Variants in PCDHGB2 observed in about 807,000 individuals in gnomAD.
The protein encoded by PCDHGB2 is protocadherin gamma subfamily B, 2.
A neutral mutation model predicts 59.3 loss-of-function variants in PCDHGB2; 55 were observed. That is an observed-to-expected ratio of 0.93 (90% CI 0.75 to 1.16). The LOEUF (loss-of-function observed/expected upper bound fraction) is 1.16, where lower values mean the gene tolerates loss of function less well. Ranked by LOEUF, PCDHGB2 falls within the 50% of genes most tolerant of loss-of-function variation. The pLI, the probability that PCDHGB2 is intolerant of heterozygous loss-of-function variation, is 0.00. For synonymous variants in PCDHGB2, 516 were observed against 512.0 expected (o/e 1.01, Z -0.11); for missense variants, 1,228 against 1,198.5 (o/e 1.02, Z -0.36).
chr5:141,365,964 A>G, intron 1 of PCDHGB2: 1 of 1,614,252 alleles, frequency 6.2e-7, no homozygotes, highest in Non-Finnish European at 8.5e-7. Context: ...CTTAGCAGCA[A>G]CGTGTCGCTG....
chr5:141,423,561 C>G (rs959698297), intron 1 of PCDHGB2: 7 of 1,613,628 alleles, frequency 4.3e-6, no homozygotes, highest in Non-Finnish European at 5.9e-6. Flanking sequence ...ACTATGGGGA[C>G]ACGCTCATCA....
At position 141,432,069 on chromosome 5, in the gene PCDHGB2, A is replaced by G. The variant is rs572724741; in HGVS notation, c.2422-62738A>G. On this transcript the variant is annotated intron_variant, in intron 1 of 3. Transcript: ENST00000522605. The surrounding 1 kb of genome is among the most constrained non-coding windows in gnomAD (Gnocchi z 6.0). ...ACCCCGCCCCTATCCACGGAAACTC[A>G]TATCTCGCTGAACGTGGCAGACACC... 646 of 1,614,168 alleles carry G rather than the reference A, an allele frequency of 4.0e-4. 5 individuals are homozygous for G. In the South Asian group the frequency reaches 6.9e-3, roughly 17 times the overall value.
intron 1 of PCDHGB2, chr5:141,393,441 C>G: frequency 6.2e-7 from 1 of 1,614,070 alleles, no homozygotes; most frequent in African/African-American, 1.3e-5. Flanking sequence ...TGCTCACCAC[C>G]TGGTCCTCAC....
At chr5:141,418,013 A>G (rs769578436) in intron 1 of PCDHGB2, 45 of 1,613,788 alleles carry the variant, frequency 2.8e-5, no homozygotes, top group African/African-American at 4.0e-5. Flanking sequence ...GAACCTCGCT[A>G]AGGATCTAGG....
intron 1 of PCDHGB2, chr5:141,398,884 G>C: frequency 6.2e-7 from 1 of 1,613,952 alleles, no homozygotes; most frequent in Non-Finnish European, 8.5e-7. Flanking sequence ...CAGCCTTCGG[G>C]AAAACGTGCC....
rs754835805 is a variant in PCDHGB2 at position 141,415,008 on chromosome 5, T to C, written c.2421+52452T>C. ...GCCAGAACGCCTGGCTGTCCTACCGTCTGCTCAAGGCCAGCGAGCCGGGAC... is the reference window on the plus strand; with the variant it reads ...GCCAGAACGCCTGGCTGTCCTACCGCCTGCTCAAGGCCAGCGAGCCGGGAC... On this transcript the variant is annotated intron_variant, in intron 1 of 3. Transcript: ENST00000522605. 3.1e-6 allele frequency: 5 copies of C among 1,613,636 alleles called. No individual in the cohort carries two copies. The South Asian group carries it at 3.3e-5, about 11-fold the overall frequency.
At chr5:141,471,046 C>CTTT (rs1170588345) in intron 1 of PCDHGB2, among the ~76,000 whole-genome samples, 3 of 113,252 alleles carry the variant, frequency 2.6e-5, no homozygotes, top group Non-Finnish European at 5.4e-5. Context: ...CCCAAGCCCT[C>CTTT]TTTTTTTTTT....
Position 141,361,195 on chromosome 5 carries a change from A to G in PCDHGB2, c.1060A>G (p.Thr354Ala), listed in dbSNP as rs369211493. The change falls in exon 1 of 4, where the codon ACT (threonine) becomes GCT (alanine). Residue 354 changes from threonine (T) to alanine (A), a missense_variant. By Grantham distance (58) the Thr-to-Ala change is moderately conservative (BLOSUM62 0). Around this residue, in one of 3 missense-constraint regions of PCDHGB2, gnomAD observed 781 missense variants for 721.6 expected, o/e 1.08. Transcript: ENST00000522605. ...TGAAGTTATTGTGACTTCAGTATCT[A>G]CTCCCCTACCGGAGGATTCGCCACC... ...APEVIVTSVS[T>A]PLPEDSPPGT... 6.2e-7 allele frequency: 1 copy of G among 1,613,692 alleles called. No homozygotes were observed. Among genetic ancestry groups the G allele is most frequent in the Non-Finnish European group, 8.5e-7 (1 of 1,179,838 alleles).
intron 1 of PCDHGB2, among the ~76,000 whole-genome samples, chr5:141,386,837 A>G (rs551845645): frequency 1.3e-5 from 2 of 152,378 alleles, no homozygotes; most frequent in Middle Eastern, 6.8e-3. Context: ...ATGGAGAGAC[A>G]TAATCACTAA....
At chr5:141,413,468 A>C in intron 1 of PCDHGB2, 1 of 1,614,072 alleles carries the variant, frequency 6.2e-7, no homozygotes, top group South Asian at 1.1e-5. Context: ...GACCGGGAGG[A>C]GCTCTGCGCT....
intron 1 of PCDHGB2, among the ~76,000 whole-genome samples, chr5:141,402,165 T>A (rs1200714000): frequency 6.6e-6 from 1 of 152,164 alleles, no homozygotes; most frequent in Non-Finnish European, 1.5e-5. Context: ...GGCGAGAACA[T>A]CTGTAACTAT....
chr5:141,478,293 T>C (rs2099444312), intron 1 of PCDHGB2: 2 of 1,614,026 alleles, frequency 1.2e-6, no homozygotes. Context: ...TCTAGAGACC[T>C]ATACCGAGCC....
At chr5:141,377,829 C>T (rs970459356) in intron 1 of PCDHGB2, 2 of 152,110 alleles carry the variant, frequency 1.3e-5, no homozygotes, top group South Asian at 2.1e-4. Context: ...CAGTTACAAT[C>T]GCCATTATCT....
chr5:141,389,379 C>G, intron 1 of PCDHGB2: 1 of 1,613,770 alleles, frequency 6.2e-7, no homozygotes, highest in Non-Finnish European at 8.5e-7. Context: ...GCAGCGGGAG[C>G]TGTCATCCTA....
intron 3 of PCDHGB2, among the ~76,000 whole-genome samples, chr5:141,507,805 G>C (rs2099863746): frequency 6.6e-6 from 1 of 152,204 alleles, no homozygotes; most frequent in Non-Finnish European, 1.5e-5. Flanking sequence ...TGCGCCCTGG[G>C]GAACGGACCC....
At chr5:141,414,225 G>A in intron 1 of PCDHGB2, 1 of 1,613,398 alleles carries the variant, frequency 6.2e-7, no homozygotes, top group Non-Finnish European at 8.5e-7. Context: ...ACAGTCCAGA[G>A]CTGACCATCA....
At position 141,485,287 on chromosome 5, in the gene PCDHGB2, G is replaced by A. The variant is rs1396496143; in HGVS notation, c.2422-9520G>A. 5.0e-6 allele frequency: 8 copies of A among 1,614,064 alleles called. No individual in the cohort carries two copies. The highest frequency in any genetic ancestry group is 6.8e-6 in the Non-Finnish European group (8 of 1,180,002). On this transcript the variant is annotated intron_variant, in intron 1 of 3. Transcript: ENST00000522605. The surrounding 1 kb of genome is among the most constrained non-coding windows in gnomAD (Gnocchi z 5.7). ...AGATCCGCTACCCGGTCCCAGAGGA[G>A]TCACAGGAAGGGACTTTTGTAGGGA...
In PCDHGB2 at chr5:141,476,853, A is replaced by G; in HGVS notation, c.2422-17954A>G. ...AATGACAATGCGCCTGTCTTCAACCAGTCCTTGTACCGGGCGCGCGTCCTG... is the reference window on the plus strand; with the variant it reads ...AATGACAATGCGCCTGTCTTCAACCGGTCCTTGTACCGGGCGCGCGTCCTG... On this transcript the variant is annotated intron_variant, in intron 1 of 3. Coordinates refer to ENST00000522605, the MANE Select transcript of PCDHGB2 (RefSeq NM_018923.3). This position sits in a 1 kb window ranked among gnomAD's most constrained non-coding sequence, Gnocchi z 7.6. The G allele has an allele frequency of 6.2e-7, 1 of 1,613,870 alleles. No individual in the cohort carries two copies. Among genetic ancestry groups the G allele is most frequent in the Non-Finnish European group, 8.5e-7 (1 of 1,180,042 alleles).
Position 141,477,665 on chromosome 5 carries a change from G to T in PCDHGB2, c.2422-17142G>T, listed in dbSNP as rs753814499. ...CTATTTCACAATAAATCGTGACAAT[G>T]GCATAGTGTCATCCTTAGTGCCCCT... is the stretch of plus-strand genomic sequence containing the variant. On this transcript the variant is annotated intron_variant, in intron 1 of 3. Coordinates refer to ENST00000522605, the MANE Select transcript of PCDHGB2 (RefSeq NM_018923.3). The surrounding 1 kb of genome is among the most constrained non-coding windows in gnomAD (Gnocchi z 4.9). 6.2e-7 allele frequency: 1 copy of T among 1,614,182 alleles called. No individual in the cohort carries two copies. The highest frequency in any genetic ancestry group is 8.5e-7 in the Non-Finnish European group (1 of 1,180,038).
Sources: gnomAD v4.1 joint callset for allele counts (sites outside exome capture counted in the v4.1 genomes callset) on GRCh38, gnomAD v4.1.1 for gene constraint, gnomAD v4.1.1 regional missense constraint, Gnocchi (gnomAD v3.1) non-coding constraint, MANE v1.5 for transcripts, NCBI Gene and HGNC (gene_info 2026-07-23, HGNC 2026-07-21) for gene names.